Variants in DISP2 observed in about 807,000 individuals in gnomAD.
DISP2 encodes protein dispatched homolog 2.
In DISP2, 59 loss-of-function variants were observed where a neutral mutation model predicts 95.5. The ratio of observed to expected loss-of-function variants is 0.62; its 90% confidence interval spans 0.50 to 0.77. The LOEUF is 0.77. Among genes scored for constraint, DISP2 ranks in the 30% least tolerant of loss-of-function variants. The probability of loss-of-function intolerance (pLI) is 0.00; values close to 1 mark genes in which losing one functional copy is unlikely to be tolerated. For missense variants in DISP2, 1,752 were observed against 1,854.6 expected (o/e 0.94, Z 1.02); for synonymous variants, 827 against 815.0 (o/e 1.01, Z -0.25).
In DISP2 at chr15:40,371,314, C is replaced by G. The variant is rs1013974242; in HGVS notation, c.*996C>G. The G allele has an allele frequency of 2.0e-5, 3 of 152,256 alleles. No individual in the cohort carries two copies. Among genetic ancestry groups the G allele is most frequent in the African/African-American group, 7.2e-5 (3 of 41,456 alleles). The allele number at this position is 152,256 out of a possible 1,614,324, so 9.4% of individuals were successfully genotyped here. On this transcript the variant is annotated 3_prime_UTR_variant, in exon 8 of 8. Transcript: ENST00000267889. ...CTTTCTCTGGTGTCTCTGACTGAATCCAGCCACCCTCTTTGGGCCTCCACT... is the reference window on the plus strand; with the variant it reads ...CTTTCTCTGGTGTCTCTGACTGAATGCAGCCACCCTCTTTGGGCCTCCACT...
rs928920643 is a variant in DISP2, at chr15:40,368,175, G to A, written c.2063G>A (p.Arg688His). Residue 688 changes from arginine (R) to histidine (H), a missense_variant, in exon 8 of 8, where the codon CGT becomes CAT. By Grantham distance (29) the Arg-to-His change is conservative (BLOSUM62 0). Around this residue, in one of 5 missense-constraint regions of DISP2, gnomAD observed 732 missense variants for 714.6 expected, o/e 1.02. Coordinates refer to ENST00000267889, the MANE Select transcript of DISP2 (RefSeq NM_033510.3). ...CGGAGGGCGGCGGCTGGCACCTCGC[G>A]TCTGCTCTTCCAGCGCCTGCTGCCC... is the stretch of plus-strand genomic sequence containing the variant. The part of the protein sequence containing the change: ...GLRRAAAGTS[R>H]LLFQRLLPCG... 1.3e-6 allele frequency: 2 copies of A among 1,588,534 alleles called. No homozygotes were observed. The highest frequency in any genetic ancestry group is 3.4e-5 in the Admixed American group (2 of 58,388).
Position 40,367,178 on chromosome 15 carries a change from A to G in DISP2, c.1066A>G (p.Thr356Ala). ...CTCCAACCGCTCCTCCTGCCTGGAC[A>G]CTACCCAAGCTGACGCAGCCCGCAC... ...VLSNRSSCLD[T>A]TQADAARTLA... is the part of the protein sequence containing the mutation. Residue 356 changes from threonine (T) to alanine (A), a missense_variant, in exon 8 of 8, where the codon ACT becomes GCT. This residue lies in a region of DISP2 where 732 missense variants were observed against 714.6 expected (regional missense o/e 1.02). Transcript: ENST00000267889. 2 of 1,613,976 alleles carry G rather than the reference A, an allele frequency of 1.2e-6. No individual in the cohort carries two copies. The highest frequency in any genetic ancestry group is 3.3e-4 in the Middle Eastern group (2 of 6,060).
At position 40,368,223 on chromosome 15, in the gene DISP2, A is replaced by G. The variant is rs557067818; in HGVS notation, c.2111A>G (p.Tyr704Cys). Residue 704 changes from tyrosine (Y) to cysteine (C), a missense_variant, in exon 8 of 8, where the codon TAC becomes TGC. Tyr to Cys is a radical substitution (Grantham distance 194, BLOSUM62 -2). This residue lies in a region of DISP2 where 732 missense variants were observed against 714.6 expected (regional missense o/e 1.02). Coordinates refer to ENST00000267889, the MANE Select transcript of DISP2 (RefSeq NM_033510.3). ...LLPCGVIKFR[Y>C]IWICWFAALA... ...CCCTGCGGCGTCATCAAGTTCCGCTACATCTGGATCTGCTGGTTCGCAGCA... is the reference window on the plus strand; with the variant it reads ...CCCTGCGGCGTCATCAAGTTCCGCTGCATCTGGATCTGCTGGTTCGCAGCA... 9.3e-5 allele frequency: 149 copies of G among 1,610,446 alleles called. 2 individuals are homozygous for G. The South Asian group carries it at 1.6e-3, about 17-fold the overall frequency.
intron 1 of DISP2, among the ~76,000 whole-genome samples, chr15:40,363,021 C>T (rs997523028): frequency 6.6e-6 from 1 of 151,964 alleles, no homozygotes; most frequent in African/African-American, 2.4e-5. Context: ...TGAGTAAGAT[C>T]GGCTGGGCGC....
intron 1 of DISP2, among the ~76,000 whole-genome samples, 173 bp downstream of exon 1, chr15:40,358,613 G>T (rs1889358950): frequency 6.6e-6 from 1 of 152,022 alleles, no homozygotes; most frequent in Admixed American, 6.5e-5. Context: ...ATCCTGCCGG[G>T]TCAATTTCCT....
chr15:40,365,874 G>T, intron 7 of DISP2, 149 bp downstream of exon 7: 1 of 786,736 alleles, frequency 1.3e-6, no homozygotes, highest in Non-Finnish European at 2.0e-6. Flanking sequence ...ACCCTGCTGA[G>T]AGGCTCCAGG....
intron 1 of DISP2, among the ~76,000 whole-genome samples, chr15:40,363,173 G>A (rs1048095015): frequency 3.3e-5 from 5 of 151,610 alleles, no homozygotes; most frequent in East Asian, 1.9e-4. Context: ...TTAGCGAGTC[G>A]TGATGGCGGG....
intron 1 of DISP2, 70 bp downstream of exon 1, chr15:40,358,510 G>T: frequency 9.1e-7 from 1 of 1,100,316 alleles, no homozygotes; most frequent in Non-Finnish European, 1.1e-6. Flanking sequence ...GGTATCCCCA[G>T]TAGCCGCCAT....
chr15:40,369,321 T>G lies in DISP2; in HGVS notation c.3209T>G (p.Leu1070Arg), dbSNP rs1889586877. The change falls in exon 8 of 8, where the codon CTG (leucine) becomes CGG (arginine). Residue 1070 changes from leucine (L) to arginine (R), a missense_variant. Leu to Arg is a moderately radical substitution (Grantham distance 102). Coordinates refer to ENST00000267889, the MANE Select transcript of DISP2 (RefSeq NM_033510.3). ...SCATAVGAAA[L>R]FAAGVLMLPA... ...GCCACAGCCGTGGGGGCTGCAGCCC[T>G]GTTTGCGGCAGGCGTGCTCATGCTG... The G allele has an allele frequency of 1.9e-6, 3 of 1,613,586 alleles. No homozygotes were observed. Among genetic ancestry groups the G allele is most frequent in the Non-Finnish European group, 2.5e-6 (3 of 1,180,036 alleles).
intron 1 of DISP2, among the ~76,000 whole-genome samples, chr15:40,358,845 G>A (rs936355739): frequency 2.6e-5 from 4 of 152,268 alleles, no homozygotes; most frequent in African/African-American, 4.8e-5. Context: ...CGTGAATCGC[G>A]GATGGGAGGC....
rs755609441 is a variant in DISP2, at chr15:40,363,689, C to A, written c.184C>A (p.Pro62Thr). ...GAGAAGCTGCTCCCTCCACAGCTGC[C>A]CCCTGGAGGACCCTTCCAGCTCTTC... is the stretch of plus-strand genomic sequence containing the variant. The part of the protein sequence containing the change: ...PERSCSLHSC[P>T]LEDPSSSSGP... The change falls in exon 2 of 8, where the codon CCC becomes ACC. Residue 62 changes from proline (P) to threonine (T), a missense_variant. Physicochemically the swap from Pro to Thr is conservative, Grantham distance 38 (BLOSUM62 -1). Around this residue, in one of 5 missense-constraint regions of DISP2, gnomAD observed 342 missense variants for 364.3 expected, o/e 0.94. Coordinates refer to ENST00000267889, the MANE Select transcript of DISP2 (RefSeq NM_033510.3). 8 of 1,602,428 alleles carry A rather than the reference C, an allele frequency of 5.0e-6. No homozygotes were observed. The highest frequency in any genetic ancestry group is 1.1e-5 in the South Asian group (1 of 89,260).
chr15:40,364,330 T>C, intron 3 of DISP2, 75 bp downstream of exon 3: 1 of 1,613,838 alleles, frequency 6.2e-7, no homozygotes, highest in Non-Finnish European at 8.5e-7. Flanking sequence ...CCGTGCTCTC[T>C]GCTCTATCTA....
chr15:40,361,322 C>T (rs138368929), intron 1 of DISP2, among the ~76,000 whole-genome samples: 2 of 152,318 alleles, frequency 1.3e-5, no homozygotes, highest in African/African-American at 4.8e-5. Context: ...CAAAAGAGGA[C>T]AAATTGTAAA....
intron 4 of DISP2, 88 bp downstream of exon 4, chr15:40,364,632 G>T: frequency 6.4e-7 from 1 of 1,556,018 alleles, no homozygotes; most frequent in Non-Finnish European, 8.7e-7. Flanking sequence ...GGTAGCCATG[G>T]TAGCCTGGGG....
At position 40,369,238 on chromosome 15, in the gene DISP2, G is replaced by A; in HGVS notation, c.3126G>A (p.Leu1042=). The change falls in exon 8 of 8, where the codon CTG becomes CTA. Residue 1042 remains leucine (L), a synonymous_variant. Transcript: ENST00000267889. ...FTVNYCISYH[L]CPHPDRLSRV... is the part of the protein sequence containing the mutation. ...TCAACTACTGCATCTCCTATCACCT[G>A]TGCCCACACCCTGACCGCCTGAGCC... 1 of 1,613,872 alleles carries A rather than the reference G, an allele frequency of 6.2e-7. No individual in the cohort carries two copies. The highest frequency in any genetic ancestry group is 8.5e-7 in the Non-Finnish European group (1 of 1,180,046).
Position 40,358,242 on chromosome 15 carries a change from GCTGCCGCCGCCA to G in DISP2, c.-78_-67del, listed in dbSNP as rs1303760636. 2.0e-5 allele frequency: 19 copies of G among 952,114 alleles called. No homozygotes were observed. The highest frequency in any genetic ancestry group is 2.3e-5 in the Non-Finnish European group (18 of 776,892). 59.0% of individuals were successfully genotyped at this position (952,114 alleles called of 1,614,324 possible). On this transcript the variant is annotated 5_prime_UTR_variant, in exon 1 of 8. Transcript: ENST00000267889. ...GCATGCGCACGAGCACCCCGCCGCC[GCTGCCGCCGCCA>G]CCGCCGCCGCCGCCGCCGCCGCCGC...
intron 5 of DISP2, 95 bp from the exon 6 acceptor site, chr15:40,365,052 G>T (rs1595726158): frequency 6.3e-7 from 1 of 1,585,148 alleles, no homozygotes; most frequent in Non-Finnish European, 8.6e-7. Flanking sequence ...GGTCAGAGGG[G>T]CTTGCCAAGG....
intron 4 of DISP2, 75 bp from the exon 5 acceptor site, chr15:40,364,763 G>A: frequency 6.8e-7 from 1 of 1,479,102 alleles, no homozygotes; most frequent in Non-Finnish European, 9.2e-7. Context: ...GGAGTCAAAG[G>A]GGCAGAGCTG....
Position 40,368,645 on chromosome 15 carries a change from A to T in DISP2, c.2533A>T (p.Met845Leu). The T allele has an allele frequency of 6.2e-7, 1 of 1,610,184 alleles. No homozygotes were observed. The highest frequency in any genetic ancestry group is 8.5e-7 in the Non-Finnish European group (1 of 1,180,010). Residue 845 changes from methionine to leucine, a missense_variant, in exon 8 of 8, where the codon ATG (methionine) becomes TTG (leucine). Transcript: ENST00000267889. ...TTTCGTGGAGACCCTCCAGCGCTGG[A>T]TGGAGAGCCCCAGCTGCGCCCGCCT... ...LCFVETLQRW[M>L]ESPSCARLGP...
Sources: allele counts gnomAD v4.1 joint callset (sites outside exome capture counted in the v4.1 genomes callset), GRCh38; gene constraint gnomAD v4.1.1; regional missense constraint gnomAD v4.1.1; transcripts MANE v1.5; gene names NCBI Gene and HGNC (gene_info 2026-07-23, HGNC 2026-07-21).